HNRNPD: variants seen among roughly 807,000 people sequenced by gnomAD.
The protein encoded by HNRNPD is heterogeneous nuclear ribonucleoprotein D0.
Under a neutral mutation model 47.9 loss-of-function variants are expected in HNRNPD, and 3 were observed. The observed-to-expected ratio is 0.06, with a 90% CI of 0.03 to 0.16. HNRNPD has a LOEUF of 0.16. Among genes scored for constraint, HNRNPD ranks in the 10% least tolerant of loss-of-function variants. HNRNPD has a pLI of 1.00. For synonymous variants in HNRNPD, 171 were observed against 165.1 expected (o/e 1.04, Z -0.28); for missense variants, 287 against 454.2 (o/e 0.63, Z 3.35).
intron 2 of HNRNPD, among the ~76,000 whole-genome samples, chr4:82,365,771 AT>A (rs80051188): frequency 0.052 from 5,482 of 106,216 alleles, 47 homozygotes; most frequent in African/African-American, 0.073. Context: ...GGCCCAGCTA[AT>A]TTTTTTTTTT....
chr4:82,363,493 AAC>A (rs1358216041), intron 2 of HNRNPD, among the ~76,000 whole-genome samples: 1 of 152,280 alleles, frequency 6.6e-6, no homozygotes, highest in East Asian at 1.9e-4. Flanking sequence ...GCGTAGTGCA[AAC>A]ACTTTCCAAT....
chr4:82,365,770 A>G (rs910764152), intron 2 of HNRNPD, among the ~76,000 whole-genome samples: 1 of 135,756 alleles, frequency 7.4e-6, no homozygotes, highest in Non-Finnish European at 1.5e-5. Context: ...AGGCCCAGCT[A>G]ATTTTTTTTT....
At position 82,373,094 on chromosome 4, in the gene HNRNPD, G is replaced by A. The variant is rs746534622; in HGVS notation, c.233+352C>T. Reference sequence around the variant, plus strand: ...ACTGTAGAAAAAGGGAAAAAGAGGGGACAGCATGGAAAGAAAAAAGGTACC... The same window carrying A: ...ACTGTAGAAAAAGGGAAAAAGAGGGAACAGCATGGAAAGAAAAAAGGTACC... On this transcript the variant is annotated intron_variant, in intron 1 of 8. Coordinates refer to ENST00000313899, the MANE Select transcript of HNRNPD (RefSeq NM_031370.3). The A allele has an allele frequency of 4.1e-5, 21 of 515,242 alleles. No individual in the cohort carries two copies. The East Asian group carries it at 1.0e-3, about 25-fold the overall frequency. The allele number at this position is 515,242 out of a possible 1,614,324, so 31.9% of individuals were successfully genotyped here. A position where few individuals can be genotyped will look rare whatever the true frequency, so the allele number is the denominator to read the frequency against.
rs769275140 is a variant in HNRNPD at position 82,371,509 on chromosome 4, T to C, written c.290+19A>G. 26 of 1,597,240 alleles carry C rather than the reference T, an allele frequency of 1.6e-5. No individual in the cohort carries two copies. Among genetic ancestry groups the C allele is most frequent in the Non-Finnish European group, 2.1e-5 (24 of 1,169,008 alleles). On this transcript the variant is annotated intron_variant, in intron 2 of 8. Transcript: ENST00000313899. ...TACTGAAACCTTTATAATACAGAAA[T>C]AAAATTTAAAAGTTTTACCATTCTT...
Position 82,353,655 on chromosome 4 carries a change from T to G in HNRNPD, c.*530A>C, listed in dbSNP as rs1483105230. 4.6e-5 allele frequency: 7 copies of G among 152,616 alleles called. No homozygotes were observed. Among genetic ancestry groups the G allele is most frequent in the African/African-American group, 1.7e-4 (7 of 41,456 alleles). The allele number at this position is 152,616 out of a possible 1,614,324, so 9.5% of individuals were successfully genotyped here. A position where few individuals can be genotyped will look rare whatever the true frequency, so the allele number is the denominator to read the frequency against. On this transcript the variant is annotated 3_prime_UTR_variant, in exon 9 of 9. Transcript: ENST00000313899. ...AAATTGACATTAAGTCATTCCCAAT[T>G]TGGACAGGGAGGACACATTATGGCA...
At chr4:82,358,471 A>G in intron 4 of HNRNPD, 188 bp downstream of exon 4, 2 of 547,134 alleles carry the variant, frequency 3.7e-6, no homozygotes, top group Non-Finnish European at 6.4e-6. Context: ...GTAGGTGCTC[A>G]ATGAGAAAAA....
At chr4:82,367,387 A>G (rs1406354850) in intron 2 of HNRNPD, among the ~76,000 whole-genome samples, 1 of 152,174 alleles carries the variant, frequency 6.6e-6, no homozygotes, top group East Asian at 1.9e-4. Flanking sequence ...GTGTACTGGA[A>G]ATCAATTTAG....
rs920093881 is a variant in HNRNPD at position 82,366,307 on chromosome 4, G to A, written c.290+5221C>T. ...CGCCCAGGCTGGAGTGCGGTGGCGC[G>A]ATCTTGGCTCACTGCAACCTCTGCT... is the stretch of plus-strand genomic sequence containing the variant. On this transcript the variant is annotated intron_variant, in intron 2 of 8. Coordinates refer to ENST00000313899, the MANE Select transcript of HNRNPD (RefSeq NM_031370.3). Among the ~76,000 whole-genome samples, 7 of 152,088 alleles carry A rather than the reference G, an allele frequency of 4.6e-5. No homozygotes were observed. In the East Asian group the frequency reaches 9.7e-4, roughly 21 times the overall value.
rs1347922252 is a variant in HNRNPD at position 82,356,911 on chromosome 4, T to G, written c.754-16A>C. On this transcript the variant is annotated splice_polypyrimidine_tract_variant and intron_variant, in intron 5 of 8. Transcript: ENST00000313899. ...TTATTTCACACTAAAAGAGAAAAAT[T>G]ACATTATTAAACTGACTCAAGAAAA... The G allele has an allele frequency of 1.3e-6, 2 of 1,588,418 alleles. No homozygotes were observed.
chr4:82,368,822 C>CA (rs1256657261), intron 2 of HNRNPD, among the ~76,000 whole-genome samples: 1 of 152,148 alleles, frequency 6.6e-6, no homozygotes, highest in African/African-American at 2.4e-5. Flanking sequence ...ACCATAATCT[C>CA]AAACATTTAA....
chr4:82,372,518 G>GAA (rs1018775162), intron 1 of HNRNPD, among the ~76,000 whole-genome samples: 1 of 151,960 alleles, frequency 6.6e-6, no homozygotes, highest in African/African-American at 2.4e-5. Flanking sequence ...TGGGCACCGG[G>GAA]AAAAAAAGGG....
intron 2 of HNRNPD, among the ~76,000 whole-genome samples, chr4:82,368,337 C>A (rs193186891): frequency 6.6e-5 from 10 of 151,900 alleles, no homozygotes; most frequent in Admixed American, 6.6e-4. Context: ...TGTATTAGGA[C>A]GATAGCAGAG....
At chr4:82,357,801 A>G in intron 4 of HNRNPD, 1 of 165,974 alleles carries the variant, frequency 6.0e-6, no homozygotes. Context: ...TAGGGTGGTG[A>G]GGACTACTAA....
In HNRNPD at chr4:82,373,918, A is replaced by C. The variant is rs1720289148; in HGVS notation, c.-240T>G. ...CTCTCCCGCTGCACTAAAAAAGAATAAGCACCAGCGGCGGCCGCTCTCGCC... is the reference window on the plus strand; with the variant it reads ...CTCTCCCGCTGCACTAAAAAAGAATCAGCACCAGCGGCGGCCGCTCTCGCC... On this transcript the variant is annotated 5_prime_UTR_variant, in exon 1 of 9. Coordinates refer to ENST00000313899, the MANE Select transcript of HNRNPD (RefSeq NM_031370.3). The C allele has an allele frequency of 2.0e-6, 2 of 980,152 alleles. No individual in the cohort carries two copies. Among genetic ancestry groups the C allele is most frequent in the Non-Finnish European group, 2.8e-6 (2 of 710,794 alleles). The allele number at this position is 980,152 out of a possible 1,614,324, so 60.7% of individuals were successfully genotyped here. A position where few individuals can be genotyped will look rare whatever the true frequency, so the allele number is the denominator to read the frequency against.
intron 4 of HNRNPD, chr4:82,358,410 G>A: frequency 2.8e-6 from 1 of 356,482 alleles, no homozygotes; most frequent in Admixed American, 4.5e-5. Flanking sequence ...ATTTAAGAAT[G>A]TTTGTCTATT....
rs557555265 is a variant in HNRNPD at position 82,362,530 on chromosome 4, T to G, written c.291-2891A>C. Among the ~76,000 whole-genome samples the G allele has an allele frequency of 2.0e-5, 3 of 152,256 alleles. No homozygotes were observed. In the East Asian group the frequency reaches 5.8e-4, roughly 29 times the overall value. On this transcript the variant is annotated intron_variant, in intron 2 of 8. Transcript: ENST00000313899. ...GACCAAATAGGTGAATATGCTACAATGAACACAAACTGGACCAATTCTATT... is the reference window on the plus strand; with the variant it reads ...GACCAAATAGGTGAATATGCTACAAGGAACACAAACTGGACCAATTCTATT...
At chr4:82,361,864 T>C (rs930945770) in intron 2 of HNRNPD, among the ~76,000 whole-genome samples, 11 of 152,184 alleles carry the variant, frequency 7.2e-5, no homozygotes, top group Non-Finnish European at 4.4e-5. Flanking sequence ...TTGTTTAATA[T>C]GCCTACCTTA....
At position 82,373,856 on chromosome 4, in the gene HNRNPD, C is replaced by A; in HGVS notation, c.-178G>T. 7.3e-7 allele frequency: 1 copy of A among 1,362,764 alleles called. No individual in the cohort carries two copies. Among genetic ancestry groups the A allele is most frequent in the South Asian group, 1.5e-5 (1 of 68,812 alleles). The allele number at this position is 1,362,764 out of a possible 1,614,324, so 84.4% of individuals were successfully genotyped here. A position where few individuals can be genotyped will look rare whatever the true frequency, so the allele number is the denominator to read the frequency against. The stretch of plus-strand genomic sequence containing the variant: ...CCTGCGCCTCTCCCTGGCCTGCCCC[C>A]TTCGCCTCCCACTCTCGCGCGGCGC... On this transcript the variant is annotated 5_prime_UTR_variant, in exon 1 of 9. It adds an upstream start codon to the 5' untranslated region. Transcript: ENST00000313899.
At chr4:82,355,493 AG>A in intron 7 of HNRNPD, 92 bp from the exon 8 acceptor site, 3 of 901,990 alleles carry the variant, frequency 3.3e-6, no homozygotes, top group Non-Finnish European at 3.5e-6. Flanking sequence ...CAAAAAATTA[AG>A]GGTAGCTTAA....
Sources: allele counts gnomAD v4.1 joint callset (sites outside exome capture counted in the v4.1 genomes callset), GRCh38; gene constraint gnomAD v4.1.1; transcripts MANE v1.5; gene names NCBI Gene and HGNC (gene_info 2026-07-23, HGNC 2026-07-21).